ADAMTSL1: variants seen among roughly 807,000 people sequenced by gnomAD.
The protein encoded by ADAMTSL1 is ADAMTS-like protein 1.
ADAMTSL1 carries 126 observed loss-of-function variants against 201.8 expected under a neutral mutation model. That is an observed-to-expected ratio of 0.62 (90% CI 0.54 to 0.72). The LOEUF (loss-of-function observed/expected upper bound fraction) is 0.72. Ranked by LOEUF, ADAMTSL1 falls within the 30% of genes least tolerant of loss-of-function variation. The pLI, the probability that ADAMTSL1 is intolerant of heterozygous loss-of-function variation, is 0.00. For synonymous variants in ADAMTSL1, 1,121 were observed against 903.4 expected (o/e 1.24, Z -4.32); for missense variants, 2,679 against 2,277.8 (o/e 1.18, Z -3.59).
intron 2 of ADAMTSL1, among the ~76,000 whole-genome samples, chr9:18,463,991 A>G (rs926346055): frequency 7.2e-5 from 11 of 152,244 alleles, no homozygotes; most frequent in African/African-American, 2.7e-4. Context: ...ATTATGTGCC[A>G]TGCAGCTATG....
chr9:18,192,785 T>A (rs563743654), intron 2 of ADAMTSL1, among the ~76,000 whole-genome samples: 10 of 152,222 alleles, frequency 6.6e-5, no homozygotes, highest in Non-Finnish European at 1.0e-4. Context: ...TTTTAGAGAA[T>A]GAAAGAAAAG....
rs150021224 is a variant in ADAMTSL1, at chr9:18,157,821, C to A, written c.88-6041C>A. On this transcript the variant is annotated intron_variant, in intron 1 of 29. Transcript: ENST00000680146. ...TTCTTGGGGATCATATTTAGCCTTTCCTTCAGGGAGTATAACACTGCTAAT... is the reference window on the plus strand; with the variant it reads ...TTCTTGGGGATCATATTTAGCCTTTACTTCAGGGAGTATAACACTGCTAAT... Among the ~76,000 whole-genome samples, 670 of 152,106 alleles carry A rather than the reference C, an allele frequency of 4.4e-3. 7 individuals carry two copies. Among genetic ancestry groups the A allele is most frequent in the African/African-American group, 0.015 (615 of 41,506 alleles).
intron 4 of ADAMTSL1, among the ~76,000 whole-genome samples, chr9:18,580,464 C>G (rs1198365590): frequency 2.0e-5 from 3 of 152,120 alleles, no homozygotes; most frequent in Non-Finnish European, 4.4e-5. Context: ...TTCTTCTGTA[C>G]TTTATAATCT....
At chr9:17,953,948 T>A (rs1308516659) in intron 1 of ADAMTSL1, among the ~76,000 whole-genome samples, 2 of 152,176 alleles carry the variant, frequency 1.3e-5, no homozygotes. Context: ...AGGGTCCATA[T>A]GTCTGGTTGT....
intron 5 of ADAMTSL1, among the ~76,000 whole-genome samples, chr9:18,634,056 T>C (rs2132757899): frequency 6.6e-6 from 1 of 152,248 alleles, no homozygotes; most frequent in East Asian, 1.9e-4. Flanking sequence ...ACGACAATAG[T>C]ATAAGGCAAG....
chr9:17,977,503 C>A (rs557504911), intron 1 of ADAMTSL1, among the ~76,000 whole-genome samples: 1 of 152,080 alleles, frequency 6.6e-6, no homozygotes. Context: ...TGATCTATTT[C>A]TCCATTATTT....
intron 2 of ADAMTSL1, among the ~76,000 whole-genome samples, chr9:18,400,235 A>G (rs1817934061): frequency 6.6e-6 from 1 of 152,118 alleles, no homozygotes. Context: ...TGTGATACTT[A>G]TTTCTAAGTA....
chr9:18,201,224 A>C (rs979548981), intron 2 of ADAMTSL1, among the ~76,000 whole-genome samples: 2 of 152,104 alleles, frequency 1.3e-5, no homozygotes, highest in African/African-American at 4.8e-5. Context: ...TGAATACAGC[A>C]CATTGACTTT....
chr9:18,415,481 C>T (rs576117182), intron 2 of ADAMTSL1, among the ~76,000 whole-genome samples: 10 of 152,008 alleles, frequency 6.6e-5, no homozygotes, highest in African/African-American at 2.4e-4. Flanking sequence ...AAAAGATATA[C>T]TAATAGAAAG....
intron 5 of ADAMTSL1, among the ~76,000 whole-genome samples, chr9:18,630,382 A>G (rs551834319): frequency 1.3e-5 from 2 of 152,102 alleles, no homozygotes; most frequent in Non-Finnish European, 2.9e-5. Flanking sequence ...CCTCACACTT[A>G]TGTATTGATT....
At chr9:18,879,390 T>A (rs184717912) in intron 23 of ADAMTSL1, among the ~76,000 whole-genome samples, 33 of 152,322 alleles carry the variant, frequency 2.2e-4, no homozygotes, top group Middle Eastern at 6.8e-3. Flanking sequence ...AGGATTTTTT[T>A]AAAATTTTTC....
At position 18,583,566 on chromosome 9, in the gene ADAMTSL1, G is replaced by A. The variant is rs1329361885; in HGVS notation, c.474+9300G>A. ...TACTGGAACACCACCTAGGAAAGCTGTGAGACAAGGGCCACCATCCTCCAG... is the reference window on the plus strand; with the variant it reads ...TACTGGAACACCACCTAGGAAAGCTATGAGACAAGGGCCACCATCCTCCAG... On this transcript the variant is annotated intron_variant, in intron 4 of 28. Coordinates refer to ENST00000380548, the MANE Select transcript of ADAMTSL1 (RefSeq NM_001040272.6). 3.3e-5 allele frequency among the ~76,000 whole-genome samples: 5 copies of A among 151,396 alleles called. No homozygotes were observed. In the East Asian group the frequency reaches 7.7e-4, roughly 23 times the overall value.
rs1447321530 is a variant in ADAMTSL1, at chr9:18,777,554, T to C, written c.3325T>C (p.Phe1109Leu). The change falls in exon 19 of 29, where the codon TTC (phenylalanine) becomes CTC (leucine). Residue 1109 changes from phenylalanine (F) to leucine (L), a missense_variant. Physicochemically the swap from Phe to Leu is conservative, Grantham distance 22. Coordinates refer to ENST00000380548, the MANE Select transcript of ADAMTSL1 (RefSeq NM_001040272.6). The stretch of plus-strand genomic sequence containing the variant: ...GGTGGCCCAGCTGGCCCAGGAGATC[T>C]TCCGCAGCCACCTGGAGCACCAGGA... ...HLVAQLAQEI[F>L]RSHLEHQDTL... 1 of 1,605,640 alleles carries C rather than the reference T, an allele frequency of 6.2e-7. No homozygotes were observed. Among genetic ancestry groups the C allele is most frequent in the East Asian group, 2.3e-5 (1 of 44,394 alleles).
intron 7 of ADAMTSL1, among the ~76,000 whole-genome samples, chr9:18,648,406 A>G (rs1827963441): frequency 6.6e-6 from 1 of 152,046 alleles, no homozygotes; most frequent in Non-Finnish European, 1.5e-5. Context: ...TAATATTGTT[A>G]TGTATGACTT....
chr9:18,905,097 C>T (rs563081750), intron 26 of ADAMTSL1, among the ~76,000 whole-genome samples: 1 of 152,188 alleles, frequency 6.6e-6, no homozygotes, highest in Non-Finnish European at 1.5e-5. Context: ...CCATGGGATG[C>T]GTATCCTCTT....
chr9:17,970,450 G>A (rs943551079), intron 1 of ADAMTSL1, among the ~76,000 whole-genome samples: 3 of 151,958 alleles, frequency 2.0e-5, no homozygotes, highest in Non-Finnish European at 4.4e-5. Flanking sequence ...ACTTGGGTGT[G>A]GAGTACAGGC....
At chr9:18,817,688 C>T (rs1443244125) in intron 21 of ADAMTSL1, among the ~76,000 whole-genome samples, 1 of 152,064 alleles carries the variant, frequency 6.6e-6, no homozygotes, top group Non-Finnish European at 1.5e-5. Context: ...ACAAAGCCAC[C>T]AGCATTGAAG....
At chr9:18,109,859 C>G (rs1310520920) in intron 1 of ADAMTSL1, among the ~76,000 whole-genome samples, 1 of 152,164 alleles carries the variant, frequency 6.6e-6, no homozygotes, top group Non-Finnish European at 1.5e-5. Context: ...TGCCACTTTC[C>G]CCTGCGTATA....
chr9:18,454,851 C>G (rs1015476255), intron 2 of ADAMTSL1, among the ~76,000 whole-genome samples: 1 of 152,034 alleles, frequency 6.6e-6, no homozygotes, highest in Non-Finnish European at 1.5e-5. Flanking sequence ...ATAGGCAAAC[C>G]CAACCACATT....
Sources: allele counts gnomAD v4.1 joint callset (sites outside exome capture counted in the v4.1 genomes callset), GRCh38; gene constraint gnomAD v4.1.1; transcripts MANE v1.5; gene names NCBI Gene and HGNC (gene_info 2026-07-23, HGNC 2026-07-21).